SPTLC2: variants seen among roughly 807,000 people sequenced by gnomAD.
SPTLC2 encodes the protein serine palmitoyltransferase 2.
A neutral mutation model predicts 62.0 loss-of-function variants in SPTLC2; 21 were observed. That is an observed-to-expected ratio of 0.34 (90% confidence interval 0.24 to 0.49). The LOEUF (loss-of-function observed/expected upper bound fraction) is 0.49. Among genes scored for constraint, SPTLC2 ranks in the 20% least tolerant of loss-of-function variants. SPTLC2 has a pLI of 0.99. For synonymous variants in SPTLC2, 261 were observed against 261.8 expected (o/e 1.00, Z 0.03); for missense variants, 511 against 713.0 (o/e 0.72, Z 3.23).
chr14:77,555,526 A>G lies in SPTLC2; in HGVS notation c.957-7T>C, dbSNP rs1257987991. On this transcript the variant is annotated splice_polypyrimidine_tract_variant and splice_region_variant and intron_variant, in intron 7 of 11. Transcript: ENST00000216484. ...AACAATAGATCCCTCCATGCTGGCA[A>G]AACATGAAAAAATATATATATACAC... 3.1e-6 allele frequency: 5 copies of G among 1,613,610 alleles called. No individual in the cohort carries two copies. The highest frequency in any genetic ancestry group is 2.7e-5 in the African/African-American group (2 of 74,916).
Position 77,570,384 on chromosome 14 carries a change from T to C in SPTLC2, c.756A>G (p.Lys252=). 1 of 1,613,080 alleles carries C rather than the reference T, an allele frequency of 6.2e-7. No homozygotes were observed. The highest frequency in any genetic ancestry group is 1.1e-5 in the South Asian group (1 of 91,068). ...TTTCATAAATGACAGAGTATCTTAC[T>C]TTGCCAACAAGAGCAGGAATGTTCA... ...NSMNIPALVG[K]GCLILSDELN... The change falls in exon 5 of 12, where the codon AAA becomes AAG. Residue 252 remains lysine, a splice_region_variant and synonymous_variant. Transcript: ENST00000216484.
Position 77,556,970 on chromosome 14 carries a change from C to T in SPTLC2, c.956+71G>A. 4.1e-6 allele frequency: 5 copies of T among 1,233,790 alleles called. 1 individual carries two copies. In the South Asian group the frequency reaches 4.8e-5, roughly 12 times the overall value. The allele number at this position is 1,233,790 out of a possible 1,614,324, so 76.4% of individuals were successfully genotyped here. ...TTCCAGAGGGGGATAGACTAATGTT[C>T]CCTTCAGTTAAAAAATTCTATGACT... On this transcript the variant is annotated intron_variant, in intron 7 of 11. Coordinates refer to ENST00000216484, the MANE Select transcript of SPTLC2 (RefSeq NM_004863.4).
intron 9 of SPTLC2, chr14:77,547,438 GTCAGC>G (rs1355066472): frequency 1.3e-5 from 2 of 152,212 alleles, no homozygotes; most frequent in East Asian, 3.8e-4. Context: ...GTTAAAAGCT[GTCAGC>G]CCTGAAGACA....
intron 11 of SPTLC2, among the ~76,000 whole-genome samples, chr14:77,516,405 T>C (rs1000209175): frequency 1.3e-5 from 2 of 152,184 alleles, no homozygotes; most frequent in African/African-American, 4.8e-5. Context: ...ATTACTGCCA[T>C]AGACACTGGT....
intron 2 of SPTLC2, among the ~76,000 whole-genome samples, chr14:77,584,518 T>TATC (rs3216477): frequency 0.49 from 74,458 of 151,668 alleles, 18,329 homozygotes; most frequent in Admixed American, 0.53. Context: ...TTAAGGAAGA[T>TATC]ATTTCTTACA....
intron 5 of SPTLC2, among the ~76,000 whole-genome samples, chr14:77,564,906 AG>A (rs1430706698): frequency 6.6e-6 from 1 of 152,160 alleles, no homozygotes; most frequent in Non-Finnish European, 1.5e-5. Flanking sequence ...CTAATTAGTA[AG>A]TATAGAAAGA....
At chr14:77,605,361 A>G (rs2079899802) in intron 1 of SPTLC2, among the ~76,000 whole-genome samples, 1 of 152,196 alleles carries the variant, frequency 6.6e-6, no homozygotes, top group African/African-American at 2.4e-5. Flanking sequence ...AATTCAAAAA[A>G]TAATGAGACT....
intron 9 of SPTLC2, among the ~76,000 whole-genome samples, chr14:77,550,069 C>T (rs1433164743): frequency 6.6e-6 from 1 of 152,182 alleles, no homozygotes; most frequent in African/African-American, 2.4e-5. Context: ...TCCACTAACA[C>T]CACATCAGAA....
At chr14:77,613,465 A>C (rs2079948653) in intron 1 of SPTLC2, among the ~76,000 whole-genome samples, 1 of 152,228 alleles carries the variant, frequency 6.6e-6, no homozygotes, top group African/African-American at 2.4e-5. Flanking sequence ...CTGTGTGTCT[A>C]CTGTCATCAC....
Position 77,616,543 on chromosome 14 carries a change from T to TGCG in SPTLC2, c.34_36dup (p.Arg12dup), listed in dbSNP as rs756336007. 47 of 1,535,994 alleles carry TGCG rather than the reference T, an allele frequency of 3.1e-5. No homozygotes were observed. In the East Asian group the frequency reaches 7.1e-4, roughly 23 times the overall value. ...GCCACGCAGCCATTCGCCCGCACCGTGCGGCGGCAGCAGCAGCCTCCGGGC... is the reference window on the plus strand; with the variant it reads ...GCCACGCAGCCATTCGCCCGCACCGTGCGGCGGCGGCAGCAGCAGCCTCCGGGC... On this transcript the variant is annotated inframe_insertion, in exon 1 of 12. Transcript: ENST00000216484.
At chr14:77,612,830 G>C (rs925547608) in intron 1 of SPTLC2, among the ~76,000 whole-genome samples, 3 of 152,106 alleles carry the variant, frequency 2.0e-5, no homozygotes, top group Non-Finnish European at 2.9e-5. Flanking sequence ...CCAATTCCTT[G>C]AGATAGAATT....
At chr14:77,546,522 G>T (rs745548897) in intron 9 of SPTLC2, among the ~76,000 whole-genome samples, 1 of 152,146 alleles carries the variant, frequency 6.6e-6, no homozygotes, top group Non-Finnish European at 1.5e-5. Context: ...AGAAGAGAAT[G>T]GAGGAGGAAA....
At chr14:77,556,226 G>A (rs1250272382) in intron 7 of SPTLC2, among the ~76,000 whole-genome samples, 1 of 152,020 alleles carries the variant, frequency 6.6e-6, no homozygotes, top group Non-Finnish European at 1.5e-5. Context: ...GGGAGGCTAA[G>A]GCAGGAGAAC....
rs185957601 is a variant in SPTLC2 at position 77,570,474 on chromosome 14, A to G, written c.666T>C (p.Leu222=). Residue 222 remains leucine, a synonymous_variant, in exon 5 of 12, where the codon CTT becomes CTC. Coordinates refer to ENST00000216484, the MANE Select transcript of SPTLC2 (RefSeq NM_004863.4). ...CTTCTACTCCTAAGAACCTTGCTAC[A>G]AGCTCCTCTAGTTCTTCATGCTTGT... ...NLDKHEELEE[L]VARFLGVEAA... The G allele has an allele frequency of 4.2e-5, 67 of 1,614,004 alleles. 2 individuals carry two copies. In the Admixed American group the frequency reaches 1.1e-3, roughly 26 times the overall value.
chr14:77,616,343 G>A (rs1010610252), intron 1 of SPTLC2, 105 bp downstream of exon 1: 10 of 667,916 alleles, frequency 1.5e-5, no homozygotes, highest in Non-Finnish European at 1.8e-5. Context: ...AACGGCGCCC[G>A]CCCCGCGGAT....
chr14:77,549,112 G>A (rs1388172206), intron 9 of SPTLC2, among the ~76,000 whole-genome samples: 1 of 151,742 alleles, frequency 6.6e-6, no homozygotes, highest in African/African-American at 2.4e-5. Context: ...ATCATGGGGA[G>A]GATCCTCGTG....
chr14:77,541,402 G>C (rs1436817386), intron 9 of SPTLC2, among the ~76,000 whole-genome samples: 2 of 152,100 alleles, frequency 1.3e-5, no homozygotes, highest in African/African-American at 4.8e-5. Flanking sequence ...CATCTATCAA[G>C]AGTAACCTCT....
At chr14:77,568,750 G>T (rs1204167181) in intron 5 of SPTLC2, among the ~76,000 whole-genome samples, 1 of 149,374 alleles carries the variant, frequency 6.7e-6, no homozygotes, top group Non-Finnish European at 1.5e-5. Flanking sequence ...AGAGCTTGCA[G>T]TGAGCCGAAA....
Position 77,564,288 on chromosome 14 carries a change from AGGAGGAAGAGG to A in SPTLC2, c.757-1810_757-1800del, listed in dbSNP as rs1210981716. 6.2e-5 allele frequency among the ~76,000 whole-genome samples: 5 copies of A among 81,200 alleles called. No homozygotes were observed. In the Admixed American group the frequency reaches 6.4e-4, roughly 10 times the overall value. 53.3% of individuals were successfully genotyped at this position (81,200 alleles called of 152,430 possible). ...GAGGAAGAGGAGGAAGAGGAGGAAA[AGGAGGAAGAGG>A]AGGAGAAGGAGGAGAAGGAGAAGAA... On this transcript the variant is annotated intron_variant, in intron 5 of 11. Coordinates refer to ENST00000216484, the MANE Select transcript of SPTLC2 (RefSeq NM_004863.4).
Sources: gnomAD v4.1 joint callset for allele counts (sites outside exome capture counted in the v4.1 genomes callset) on GRCh38, gnomAD v4.1.1 for gene constraint, MANE v1.5 for transcripts, NCBI Gene and HGNC (gene_info 2026-07-23, HGNC 2026-07-21) for gene names.